Variants in SHC3 observed in about 807,000 individuals in gnomAD.
The protein encoded by SHC3 is SHC adaptor protein 3.
SHC3 carries 15 observed loss-of-function variants against 60.4 expected under a neutral mutation model. The ratio of observed to expected loss-of-function variants is 0.25; its 90% CI spans 0.17 to 0.38. SHC3 has a LOEUF of 0.38. Among genes scored for constraint, SHC3 ranks in the 10% least tolerant of loss-of-function variants. SHC3 has a pLI of 1.00. For missense variants in SHC3, 677 were observed against 786.1 expected (o/e 0.86, Z 1.66); for synonymous variants, 294 against 325.9 (o/e 0.90, Z 1.05).
chr9:89,040,003 G>GCCACCA (rs569966580), intron 10 of SHC3, among the ~76,000 whole-genome samples: 1 of 129,324 alleles, frequency 7.7e-6, no homozygotes, highest in South Asian at 2.8e-4. Flanking sequence ...CATCACCATT[G>GCCACCA]CCACCACCAC....
intron 1 of SHC3, among the ~76,000 whole-genome samples, chr9:89,121,377 G>A (rs1027449139): frequency 2.0e-5 from 3 of 151,800 alleles, no homozygotes; most frequent in African/African-American, 7.3e-5. Flanking sequence ...CGCAACCTCT[G>A]CCTCCCGGGT....
At chr9:89,044,229 G>A (rs1824736629) in intron 9 of SHC3, among the ~76,000 whole-genome samples, 1 of 152,210 alleles carries the variant, frequency 6.6e-6, no homozygotes, top group South Asian at 2.1e-4. Context: ...TGTAGAACAA[G>A]GATAAATAGC....
intron 1 of SHC3, among the ~76,000 whole-genome samples, chr9:89,137,541 C>G (rs1826336351): frequency 6.6e-6 from 1 of 152,102 alleles, no homozygotes; most frequent in Non-Finnish European, 1.5e-5. Flanking sequence ...AATCAAGTTT[C>G]TGAAACTTTT....
intron 3 of SHC3, among the ~76,000 whole-genome samples, chr9:89,077,407 C>A (rs80288705): frequency 2.0e-4 from 30 of 152,178 alleles, no homozygotes; most frequent in African/African-American, 7.0e-4. Context: ...GAGGTATTGA[C>A]ATCACACAAA....
chr9:89,109,380 T>G (rs1825913589), intron 2 of SHC3: 1 of 976,904 alleles, frequency 1.0e-6, no homozygotes, highest in South Asian at 4.7e-5. Context: ...CCCAGGCTCA[T>G]GCACACAGAA....
intron 6 of SHC3, among the ~76,000 whole-genome samples, chr9:89,055,478 C>T (rs1451249236): frequency 6.6e-6 from 1 of 152,242 alleles, no homozygotes; most frequent in East Asian, 1.9e-4. Context: ...CCATTTCATT[C>T]TTGCTTACTC....
At chr9:89,067,130 G>T (rs149038202) in intron 5 of SHC3, among the ~76,000 whole-genome samples, 2 of 152,166 alleles carry the variant, frequency 1.3e-5, no homozygotes, top group African/African-American at 4.8e-5. Flanking sequence ...ATGAAAGATC[G>T]TCCACCTGGT....
intron 1 of SHC3, among the ~76,000 whole-genome samples, chr9:89,170,931 G>A (rs1053188201): frequency 6.6e-6 from 1 of 152,108 alleles, no homozygotes; most frequent in African/African-American, 2.4e-5. Flanking sequence ...TCGAATTTTG[G>A]TATCCATGGG....
rs907172263 is a variant in SHC3, at chr9:89,009,594, A to G, written c.*3853T>C. 7 of 152,252 alleles carry G rather than the reference A, an allele frequency of 4.6e-5. No individual in the cohort carries two copies. The highest frequency in any genetic ancestry group is 1.7e-4 in the African/African-American group (7 of 41,456). 9.4% of individuals were successfully genotyped at this position (152,252 alleles called of 1,614,324 possible). On this transcript the variant is annotated 3_prime_UTR_variant, in exon 12 of 12. Coordinates refer to ENST00000375835, the MANE Select transcript of SHC3 (RefSeq NM_016848.6). The stretch of plus-strand genomic sequence containing the variant: ...GGGAACATGTATAGCCCTGCAGTGT[A>G]GAGCACGCCAAGGCTCAGAGAAATC...
chr9:89,178,012 C>T lies in SHC3; in HGVS notation c.449G>A (p.Gly150Glu). The T allele has an allele frequency of 8.1e-7, 1 of 1,236,244 alleles. No individual in the cohort carries two copies. The highest frequency in any genetic ancestry group is 1.0e-6 in the Non-Finnish European group (1 of 990,852). The allele number at this position is 1,236,244 out of a possible 1,614,324, so 76.6% of individuals were successfully genotyped here. Residue 150 changes from glycine to glutamate, a missense_variant, in exon 1 of 12, where the codon GGG becomes GAG. Transcript: ENST00000375835. This position sits in a 1 kb window ranked among gnomAD's most constrained non-coding sequence, Gnocchi z 6.9. ...GAPHASDQVL[G>E]PGVTYVVKYL... The stretch of plus-strand genomic sequence containing the variant: ...CTTGACCACGTAGGTGACTCCGGGC[C>T]CCAGCACCTGGTCGCTGGCGTGCGG...
rs769041335 is a variant in SHC3 at position 89,075,104 on chromosome 9, T to C, written c.729+5A>G. 7.4e-6 allele frequency: 12 copies of C among 1,613,584 alleles called. No homozygotes were observed. The highest frequency in any genetic ancestry group is 4.0e-5 in the African/African-American group (3 of 74,900). The stretch of plus-strand genomic sequence containing the variant: ...CAGGGACAGGGGATCTGAGCACCCA[T>C]GTACCTGTTTGGAGTCCGGAGTTCG... On this transcript the variant is annotated splice_donor_5th_base_variant and intron_variant, in intron 4 of 11. Coordinates refer to ENST00000375835, the MANE Select transcript of SHC3 (RefSeq NM_016848.6).
chr9:89,035,989 A>T (rs1429678435), intron 11 of SHC3, among the ~76,000 whole-genome samples: 2 of 151,822 alleles, frequency 1.3e-5, no homozygotes, highest in Non-Finnish European at 2.9e-5. Context: ...AAGAAAATAT[A>T]TATTCAAATC....
chr9:89,044,046 C>T (rs1824733865), intron 9 of SHC3, among the ~76,000 whole-genome samples: 1 of 152,172 alleles, frequency 6.6e-6, no homozygotes, highest in Non-Finnish European at 1.5e-5. Flanking sequence ...ATCATCTGTT[C>T]TCGATCTGGC....
intron 6 of SHC3, among the ~76,000 whole-genome samples, chr9:89,059,632 G>T (rs1162148220): frequency 1.4e-5 from 2 of 147,530 alleles, no homozygotes; most frequent in African/African-American, 2.5e-5. Context: ...TGGAGGACGT[G>T]GTGGAGGACG....
chr9:89,176,422 T>C (rs1826942735), intron 1 of SHC3, among the ~76,000 whole-genome samples: 1 of 152,236 alleles, frequency 6.6e-6, no homozygotes. Flanking sequence ...AGTTTGAGAA[T>C]TCTCCCTCAA....
chr9:89,175,602 T>C (rs13293761), intron 1 of SHC3, among the ~76,000 whole-genome samples: 15,004 of 152,216 alleles, frequency 0.099, 863 homozygotes, highest in Admixed American at 0.15. Context: ...TATAATACAG[T>C]ATATAAATTT....
intron 11 of SHC3, among the ~76,000 whole-genome samples, chr9:89,027,341 A>ATTTTTT (rs1409526302): frequency 1.9e-5 from 1 of 52,662 alleles, no homozygotes; most frequent in Non-Finnish European, 3.9e-5. Flanking sequence ...TTTTTTTTTG[A>ATTTTTT]GACTGAGTCT....
chr9:89,133,886 T>C (rs1826284314), intron 1 of SHC3, among the ~76,000 whole-genome samples: 1 of 152,148 alleles, frequency 6.6e-6, no homozygotes, highest in Non-Finnish European at 1.5e-5. Context: ...GTTATGCACA[T>C]GTACCCTAGA....
intron 3 of SHC3, among the ~76,000 whole-genome samples, chr9:89,077,252 C>A (rs958781620): frequency 6.6e-6 from 1 of 151,988 alleles, no homozygotes; most frequent in Non-Finnish European, 1.5e-5. Flanking sequence ...TCTTTTGCTG[C>A]ATTAACTACT....
Sources: gnomAD v4.1 joint callset for allele counts (sites outside exome capture counted in the v4.1 genomes callset) on GRCh38, gnomAD v4.1.1 for gene constraint, Gnocchi (gnomAD v3.1) non-coding constraint, MANE v1.5 for transcripts, NCBI Gene and HGNC (gene_info 2026-07-23, HGNC 2026-07-21) for gene names.